Variants in DPP10 observed in about 807,000 individuals in gnomAD.
DPP10 encodes dipeptidyl peptidase like 10, also known as inactive dipeptidyl peptidase 10.
A neutral mutation model predicts 120.9 loss-of-function variants in DPP10; 33 were observed. The observed-to-expected ratio is 0.27, with a 90% CI of 0.21 to 0.37. The LOEUF (loss-of-function observed/expected upper bound fraction) is 0.37. DPP10 is among the 10% of genes least tolerant of loss of function. The pLI, the probability that DPP10 is intolerant of heterozygous loss-of-function variation, is 1.00. For synonymous variants in DPP10, 337 were observed against 326.1 expected, an observed-to-expected ratio of 1.03 and a Z score of -0.36; for missense variants, 816 against 942.8, an observed-to-expected ratio of 0.87 and a Z score of 1.76.
intron 1 of DPP10, among the ~76,000 whole-genome samples, chr2:115,172,063 C>T (rs17044157): frequency 6.6e-6 from 1 of 152,312 alleles, no homozygotes; most frequent in East Asian, 1.9e-4. Flanking sequence ...CTACACACAG[C>T]ATCTGAAATT....
Position 115,157,244 on chromosome 2 carries a change from C to CAAAA in DPP10, c.61-151981_61-151978dup, listed in dbSNP as rs569338436. Among the ~76,000 whole-genome samples the CAAAA allele has an allele frequency of 3.6e-4, 37 of 101,490 alleles. 1 individual carries two copies. The highest frequency in any genetic ancestry group is 6.1e-4 in the Admixed American group (6 of 9,786). The allele number at this position is 101,490 out of a possible 152,430, so 66.6% of individuals were successfully genotyped here. A position where few individuals can be genotyped will look rare whatever the true frequency, so the allele number is the denominator to read the frequency against. On this transcript the variant is annotated intron_variant, in intron 1 of 25. Transcript: ENST00000410059. ...GGAAGATGTGAGGTTTTAAATATAG[C>CAAAA]AAAAAAAAAAAAAAAAAGAGAGATT... is the stretch of plus-strand genomic sequence containing the variant.
chr2:114,850,327 T>C (rs1370672490), intron 1 of DPP10, among the ~76,000 whole-genome samples: 1 of 152,128 alleles, frequency 6.6e-6, no homozygotes, highest in Non-Finnish European at 1.5e-5. Flanking sequence ...ACACCCACCT[T>C]TGACATTTTT....
chr2:114,981,926 C>T (rs908914479), intron 1 of DPP10, among the ~76,000 whole-genome samples: 1 of 151,810 alleles, frequency 6.6e-6, no homozygotes, highest in Admixed American at 6.6e-5. Context: ...CAGGGTCTCA[C>T]TCTGTCTCCC....
intron 7 of DPP10, among the ~76,000 whole-genome samples, chr2:115,716,416 T>G (rs916108438): frequency 6.6e-6 from 1 of 152,156 alleles, no homozygotes; most frequent in African/African-American, 2.4e-5. Context: ...AACAGACAGA[T>G]TAACTGAAGT....
intron 3 of DPP10, among the ~76,000 whole-genome samples, chr2:115,350,710 C>T (rs569371828): frequency 6.6e-6 from 1 of 152,100 alleles, no homozygotes; most frequent in Non-Finnish European, 1.5e-5. Context: ...ACAGCAGTTT[C>T]ACTTCCTTCT....
intron 1 of DPP10, among the ~76,000 whole-genome samples, chr2:114,654,083 A>C (rs1171345635): frequency 1.3e-5 from 2 of 152,202 alleles, no homozygotes; most frequent in African/African-American, 4.8e-5. Flanking sequence ...AAATATTATT[A>C]GAAAATTAGT....
chr2:115,516,307 G>T (rs2077499685), intron 4 of DPP10, among the ~76,000 whole-genome samples: 1 of 152,026 alleles, frequency 6.6e-6, no homozygotes, highest in African/African-American at 2.4e-5. Context: ...GATTTTATAG[G>T]CCTTCTTTCT....
intron 9 of DPP10, among the ~76,000 whole-genome samples, chr2:115,742,799 T>A (rs1458582158): frequency 6.6e-6 from 1 of 152,132 alleles, no homozygotes; most frequent in East Asian, 1.9e-4. Flanking sequence ...GAGTTTATAC[T>A]AAATTGTGCT....
At chr2:115,466,791 G>C (rs1365937693) in intron 3 of DPP10, among the ~76,000 whole-genome samples, 2 of 152,108 alleles carry the variant, frequency 1.3e-5, no homozygotes, top group African/African-American at 2.4e-5. Flanking sequence ...GACTGGGACA[G>C]GTTACTGGAT....
chr2:115,172,478 A>G (rs1051843801), intron 1 of DPP10, among the ~76,000 whole-genome samples: 2 of 152,126 alleles, frequency 1.3e-5, no homozygotes, highest in African/African-American at 4.8e-5. Flanking sequence ...CAGAGAAATG[A>G]TTATATGCTA....
At chr2:115,240,752 A>G (rs1336305858) in intron 1 of DPP10, among the ~76,000 whole-genome samples, 3 of 152,188 alleles carry the variant, frequency 2.0e-5, no homozygotes, top group Non-Finnish European at 4.4e-5. Context: ...GTATGCCCAT[A>G]CTAAGTACCC....
chr2:115,143,819 C>T (rs1355296085), intron 1 of DPP10, among the ~76,000 whole-genome samples: 3 of 152,198 alleles, frequency 2.0e-5, no homozygotes, highest in African/African-American at 7.2e-5. Context: ...TCATTCTGTT[C>T]ATATCCCAGT....
At chr2:114,636,742 A>T (rs1695331436) in intron 1 of DPP10, among the ~76,000 whole-genome samples, 1 of 151,852 alleles carries the variant, frequency 6.6e-6, no homozygotes, top group Non-Finnish European at 1.5e-5. Flanking sequence ...GGGTACTATG[A>T]GCCTTTGTAG....
At chr2:115,080,638 T>C (rs1199853334) in intron 1 of DPP10, among the ~76,000 whole-genome samples, 1 of 152,158 alleles carries the variant, frequency 6.6e-6, no homozygotes, top group Non-Finnish European at 1.5e-5. Flanking sequence ...GAAAATACAG[T>C]CTAGCCCCAT....
chr2:114,837,827 C>G (rs1335347703), intron 1 of DPP10, among the ~76,000 whole-genome samples: 1 of 152,196 alleles, frequency 6.6e-6, no homozygotes, highest in East Asian at 1.9e-4. Context: ...AGTTTTCTCA[C>G]CCACCTCTGC....
chr2:115,084,883 GA>G (rs1284650327), intron 1 of DPP10, among the ~76,000 whole-genome samples: 2 of 152,190 alleles, frequency 1.3e-5, no homozygotes, highest in Admixed American at 6.5e-5. Flanking sequence ...CAGAGCCTCA[GA>G]AAAATGCATT....
At chr2:115,266,620 A>T (rs1168880606) in intron 1 of DPP10, among the ~76,000 whole-genome samples, 1 of 152,190 alleles carries the variant, frequency 6.6e-6, no homozygotes, top group Non-Finnish European at 1.5e-5. Context: ...TGTTGCGTTT[A>T]TCCCATATGA....
At chr2:115,069,295 T>C (rs1707177244) in intron 1 of DPP10, among the ~76,000 whole-genome samples, 1 of 152,120 alleles carries the variant, frequency 6.6e-6, no homozygotes, top group African/African-American at 2.4e-5. Context: ...TTTTAAATGA[T>C]ACTGTGAATG....
intron 19 of DPP10, among the ~76,000 whole-genome samples, chr2:115,794,496 G>GTCA (rs1684330734): frequency 6.6e-6 from 1 of 152,112 alleles, no homozygotes; most frequent in East Asian, 1.9e-4. Context: ...GTGAATCAAA[G>GTCA]ATCAATGTCA....
Sources: gnomAD v4.1 joint callset for allele counts (sites outside exome capture counted in the v4.1 genomes callset) on GRCh38, gnomAD v4.1.1 for gene constraint, MANE v1.5 for transcripts, NCBI Gene and HGNC (gene_info 2026-07-23, HGNC 2026-07-21) for gene names.